Variants in SNX14 observed in about 807,000 individuals in gnomAD.
SNX14 encodes sorting nexin-14.
In SNX14, 93 loss-of-function variants were observed where a neutral mutation model predicts 133.8. That is an observed-to-expected ratio of 0.70 (90% confidence interval 0.59 to 0.83). SNX14 has a LOEUF of 0.83. SNX14 is among the 40% of genes least tolerant of loss of function. SNX14 has a pLI of 0.00. For synonymous variants in SNX14, 368 were observed against 365.6 expected, an observed-to-expected ratio of 1.01 and a Z score of -0.07; for missense variants, 945 against 1,094.9, an observed-to-expected ratio of 0.86 and a Z score of 1.93.
intron 1 of SNX14, among the ~76,000 whole-genome samples, chr6:85,577,546 T>A (rs1797731794): frequency 1.3e-5 from 2 of 152,124 alleles, no homozygotes; most frequent in African/African-American, 4.8e-5. Flanking sequence ...TATTGGGTAG[T>A]CTCAATCTCT....
chr6:85,549,914 A>G, intron 7 of SNX14, 35 bp from the exon 8 acceptor site: 2 of 1,554,274 alleles, frequency 1.3e-6, no homozygotes. Context: ...GAAACAAGTT[A>G]AGTGACATTA....
intron 21 of SNX14, among the ~76,000 whole-genome samples, chr6:85,521,047 T>C (rs761411353): frequency 3.9e-5 from 6 of 152,232 alleles, no homozygotes; most frequent in Non-Finnish European, 8.8e-5. Context: ...CTACTAACAG[T>C]GTGTAAGAGT....
At chr6:85,579,017 A>G (rs971512996) in intron 1 of SNX14, among the ~76,000 whole-genome samples, 15 of 152,224 alleles carry the variant, frequency 9.9e-5, no homozygotes, top group African/African-American at 3.6e-4. Context: ...GTGTGCCTGT[A>G]ATCCCAGCTA....
Position 85,538,648 on chromosome 6 carries a change from C to A in SNX14, c.1475+190G>T, listed in dbSNP as rs377271526. Among the ~76,000 whole-genome samples the A allele has an allele frequency of 3.3e-5, 5 of 151,994 alleles. No homozygotes were observed. The East Asian group carries it at 7.7e-4, about 23-fold the overall frequency. On this transcript the variant is annotated intron_variant, in intron 16 of 28. Coordinates refer to ENST00000314673, the MANE Select transcript of SNX14 (RefSeq NM_153816.6). Reference sequence around the variant, plus strand: ...TTTTATTTTATGATGGCATATCATGCTATTTCAAAAAGGAGGTATGTAGAA... The same window carrying A: ...TTTTATTTTATGATGGCATATCATGATATTTCAAAAAGGAGGTATGTAGAA...
At chr6:85,540,704 T>C (rs1370025636) in intron 15 of SNX14, among the ~76,000 whole-genome samples, 1 of 152,196 alleles carries the variant, frequency 6.6e-6, no homozygotes, top group Non-Finnish European at 1.5e-5. Context: ...CCCATAACAC[T>C]TGGTTACGTC....
rs1775564871 is a variant in SNX14 at position 85,517,839 on chromosome 6, T to A, written c.2185A>T (p.Ile729Phe). ...QHLEPFIMNF[I>F]NSCESPKPKP... ...GGCTTTGGAGACTCACAAGAATTAATGAAATTCATGATAAAAGGTTCCAAA... is the reference window on the plus strand; with the variant it reads ...GGCTTTGGAGACTCACAAGAATTAAAGAAATTCATGATAAAAGGTTCCAAA... Residue 729 changes from isoleucine to phenylalanine, a missense_variant, in exon 23 of 29, where the codon ATT becomes TTT. Physicochemically the swap from Ile to Phe is conservative, Grantham distance 21 (BLOSUM62 0). Transcript: ENST00000314673. 1 of 1,610,008 alleles carries A rather than the reference T, an allele frequency of 6.2e-7. No homozygotes were observed. The highest frequency in any genetic ancestry group is 8.5e-7 in the Non-Finnish European group (1 of 1,178,934).
At chr6:85,541,739 TAATA>T (rs1783828961) in intron 15 of SNX14, among the ~76,000 whole-genome samples, 1 of 152,234 alleles carries the variant, frequency 6.6e-6, no homozygotes, top group Non-Finnish European at 1.5e-5. Context: ...TAATCAAAAC[TAATA>T]TATATTCATT....
intron 23 of SNX14, among the ~76,000 whole-genome samples, chr6:85,516,066 A>G (rs1383460124): frequency 9.9e-5 from 15 of 152,210 alleles, no homozygotes; most frequent in Non-Finnish European, 1.9e-4. Context: ...CTCTATATAC[A>G]TAGCCACAAA....
chr6:85,516,754 C>A (rs1472428518), intron 23 of SNX14, among the ~76,000 whole-genome samples: 1 of 151,502 alleles, frequency 6.6e-6, no homozygotes, highest in Non-Finnish European at 1.5e-5. Flanking sequence ...TCTCCTGCCT[C>A]GGCCTCCCGA....
chr6:85,537,684 C>A (rs556241613), intron 16 of SNX14, among the ~76,000 whole-genome samples: 1 of 152,326 alleles, frequency 6.6e-6, no homozygotes, highest in East Asian at 1.9e-4. Flanking sequence ...CACAGTGGCT[C>A]ACACTTGTAA....
At position 85,533,701 on chromosome 6, in the gene SNX14, G is replaced by GAAAAAAAAAAA. The variant is rs1057519561; in HGVS notation, c.1707_1708insTTTTTTTTTTT (p.Pro570PhefsTer7). 1 of 1,613,638 alleles carries GAAAAAAAAAAA rather than the reference G, an allele frequency of 6.2e-7. No homozygotes were observed. Among genetic ancestry groups the GAAAAAAAAAAA allele is most frequent in the Non-Finnish European group, 8.5e-7 (1 of 1,179,994 alleles). Reference sequence around the variant, plus strand: ...GGATCCTCAAAAAAGTCTACATATGGAATGCTAATTTTCCATGCAGCAAGG... The same window carrying GAAAAAAAAAAA: ...GGATCCTCAAAAAAGTCTACATATGGAAAAAAAAAAAAATGCTAATTTTCCATGCAGCAAGG... On this transcript the variant is annotated frameshift_variant, in exon 18 of 29. Coordinates refer to ENST00000314673, the MANE Select transcript of SNX14 (RefSeq NM_153816.6). LOFTEE classifies it high-confidence loss of function.
chr6:85,586,539 A>C (rs966531670), intron 1 of SNX14, among the ~76,000 whole-genome samples: 1 of 152,110 alleles, frequency 6.6e-6, no homozygotes, highest in Non-Finnish European at 1.5e-5. Context: ...AATTATTGTT[A>C]ATTTTGTAAT....
At chr6:85,524,475 C>T (rs1777953297) in intron 21 of SNX14, among the ~76,000 whole-genome samples, 1 of 151,960 alleles carries the variant, frequency 6.6e-6, no homozygotes, top group Non-Finnish European at 1.5e-5. Context: ...AGTGAGATGT[C>T]TCTGTTAACA....
rs561144235 is a variant in SNX14 at position 85,522,680 on chromosome 6, C to T, written c.2107+3446G>A. ...TGCTGCTAGAGTTGGATTTCTGAAA[C>T]CTAAATCTGATTAGGTTTCATTGTT... On this transcript the variant is annotated intron_variant, in intron 21 of 28. Transcript: ENST00000314673. 5.9e-5 allele frequency among the ~76,000 whole-genome samples: 9 copies of T among 152,260 alleles called. No individual in the cohort carries two copies. The South Asian group carries it at 1.7e-3, about 28-fold the overall frequency.
chr6:85,523,590 G>A (rs897584378), intron 21 of SNX14, among the ~76,000 whole-genome samples: 2 of 152,102 alleles, frequency 1.3e-5, no homozygotes, highest in African/African-American at 2.4e-5. Context: ...TGAGCAACAC[G>A]GTGAAACCCC....
At chr6:85,547,776 G>C (rs1222374932) in intron 9 of SNX14, among the ~76,000 whole-genome samples, 1 of 152,090 alleles carries the variant, frequency 6.6e-6, no homozygotes, top group Admixed American at 6.6e-5. Context: ...TCTGATTTTG[G>C]CATTTAAAAT....
chr6:85,530,532 C>T (rs1194651604), intron 18 of SNX14, among the ~76,000 whole-genome samples: 1 of 151,754 alleles, frequency 6.6e-6, no homozygotes, highest in Non-Finnish European at 1.5e-5. Flanking sequence ...GTAGTCCCAG[C>T]TACTCAGGAG....
intron 5 of SNX14, among the ~76,000 whole-genome samples, chr6:85,566,879 C>CT (rs1367448752): frequency 6.6e-6 from 1 of 152,014 alleles, no homozygotes. Context: ...TTGGATCTCT[C>CT]TAATTTCAAA....
chr6:85,509,954 A>G (rs920062758), intron 26 of SNX14, among the ~76,000 whole-genome samples: 3 of 152,146 alleles, frequency 2.0e-5, no homozygotes, highest in Non-Finnish European at 4.4e-5. Context: ...AGGCTCCTCC[A>G]TGACTTTTCA....
Sources: gnomAD v4.1 joint callset for allele counts (sites outside exome capture counted in the v4.1 genomes callset) on GRCh38, gnomAD v4.1.1 for gene constraint, MANE v1.5 for transcripts, NCBI Gene and HGNC (gene_info 2026-07-23, HGNC 2026-07-21) for gene names.